The following CACNA1B variants were observed in gnomAD, a reference collection of about 807,000 sequenced individuals.
CACNA1B encodes the protein voltage-dependent N-type calcium channel subunit alpha-1B.
In CACNA1B, 70 loss-of-function variants were observed where a neutral mutation model predicts 247.2. That is an observed-to-expected ratio of 0.28 (90% CI 0.23 to 0.35). The LOEUF (loss-of-function observed/expected upper bound fraction) is 0.35, where lower values mean the gene tolerates loss of function less well. CACNA1B is among the 10% of genes least tolerant of loss of function. The pLI, the probability that CACNA1B is intolerant of heterozygous loss-of-function variation, is 1.00. For missense variants in CACNA1B, 2,367 were observed against 3,197.4 expected (o/e 0.74, Z 6.26); for synonymous variants, 1,231 against 1,294.4 (o/e 0.95, Z 1.05).
rs1257560886 is a variant in CACNA1B at position 138,054,248 on chromosome 9, G to A, written c.3968+242G>A. ...GACCCCCAGCACTTCCTCCTCAGCA[G>A]AGTCAGGAACCAGGCATGTTCTGAG... On this transcript the variant is annotated intron_variant, in intron 26 of 46. Transcript: ENST00000371372. The surrounding 1 kb of genome is among the most constrained non-coding windows in gnomAD (Gnocchi z 4.6). 6.6e-6 allele frequency among the ~76,000 whole-genome samples: 1 copy of A among 152,252 alleles called. No homozygotes were observed. Among genetic ancestry groups the A allele is most frequent in the Admixed American group, 6.5e-5 (1 of 15,292 alleles).
intron 20 of CACNA1B, among the ~76,000 whole-genome samples, chr9:138,029,760 G>A (rs533432237): frequency 1.3e-5 from 2 of 151,660 alleles, no homozygotes; most frequent in Non-Finnish European, 2.9e-5. Context: ...TTACAGGCAC[G>A]CACCACCACA....
At chr9:137,980,341 G>A (rs1958279891) in intron 12 of CACNA1B, among the ~76,000 whole-genome samples, 2 of 152,208 alleles carry the variant, frequency 1.3e-5, no homozygotes, top group African/African-American at 4.8e-5. Flanking sequence ...TCTTAGAGAA[G>A]TTCCTGCTTC....
At chr9:138,049,921 G>A (rs979652389) in intron 24 of CACNA1B, among the ~76,000 whole-genome samples, 4 of 152,168 alleles carry the variant, frequency 2.6e-5, no homozygotes, top group African/African-American at 4.8e-5. Context: ...ATGGGAATAC[G>A]GCGGGGAGTT....
At chr9:137,918,854 T>C (rs1032600706) in intron 6 of CACNA1B, among the ~76,000 whole-genome samples, 2 of 152,038 alleles carry the variant, frequency 1.3e-5, no homozygotes, top group African/African-American at 2.4e-5. Flanking sequence ...CCTCCTCGAG[T>C]GGGAGTCGTG....
At chr9:138,064,102 G>A (rs1959831028) in intron 31 of CACNA1B, among the ~76,000 whole-genome samples, 1 of 152,144 alleles carries the variant, frequency 6.6e-6, no homozygotes, top group African/African-American at 2.4e-5. Flanking sequence ...ACTCTGAGAT[G>A]GAGCCGCAAT....
At chr9:138,097,525 C>T (rs1421692848) in intron 37 of CACNA1B, among the ~76,000 whole-genome samples, 1 of 152,236 alleles carries the variant, frequency 6.6e-6, no homozygotes, top group Non-Finnish European at 1.5e-5. Flanking sequence ...GGGCTGCTCC[C>T]TGCAAGGCCA....
intron 39 of CACNA1B, among the ~76,000 whole-genome samples, chr9:138,106,797 G>A (rs966954220): frequency 2.0e-4 from 31 of 152,074 alleles, no homozygotes; most frequent in Non-Finnish European, 2.2e-4. Context: ...CCCCTCTGTC[G>A]ACTTCCCTAT....
chr9:137,978,592 T>A (rs1333064425), intron 12 of CACNA1B, among the ~76,000 whole-genome samples: 1 of 152,204 alleles, frequency 6.6e-6, no homozygotes, highest in Non-Finnish European at 1.5e-5. Flanking sequence ...CGGCAGAGTT[T>A]ACAGGAGCCA....
chr9:138,057,060 C>A lies in CACNA1B; in HGVS notation c.3969-672C>A, dbSNP rs899037752. Among the ~76,000 whole-genome samples, 1 of 151,514 alleles carries A rather than the reference C, an allele frequency of 6.6e-6. No homozygotes were observed. The highest frequency in any genetic ancestry group is 2.4e-5 in the African/African-American group (1 of 41,232). On this transcript the variant is annotated intron_variant, in intron 26 of 46. Transcript: ENST00000371372. This position sits in a 1 kb window ranked among gnomAD's most constrained non-coding sequence, Gnocchi z 4.0. ...ACGCCATTCTCCTGCCTCAGCCTCC[C>A]GAGTAGCTGGGACTATAGGCGCCCG... is the stretch of plus-strand genomic sequence containing the variant.
At chr9:138,118,895 C>T (rs909417013) in intron 44 of CACNA1B, 127 bp downstream of exon 44, 1 of 611,398 alleles carries the variant, frequency 1.6e-6, no homozygotes, top group African/African-American at 1.9e-5. Flanking sequence ...ATGTGTGGAG[C>T]TCTTTGCTGA....
Position 138,010,266 on chromosome 9 carries a change from C to G in CACNA1B, c.2160+189C>G, listed in dbSNP as rs572152231. 6.6e-6 allele frequency among the ~76,000 whole-genome samples: 1 copy of G among 152,126 alleles called. No homozygotes were observed. The highest frequency in any genetic ancestry group is 1.5e-5 in the Non-Finnish European group (1 of 68,012). ...GAGGATGCAGGGAGAGCCAAAGCCC[C>G]GAAGGCAGATGGACAGGCAGGCTCT... On this transcript the variant is annotated intron_variant, in intron 17 of 46. Coordinates refer to ENST00000371372, the MANE Select transcript of CACNA1B (RefSeq NM_000718.4). This position sits in a 1 kb window ranked among gnomAD's most constrained non-coding sequence, Gnocchi z 5.3.
intron 24 of CACNA1B, chr9:138,049,992 C>T (rs1283921196): frequency 1.6e-5 from 16 of 999,558 alleles, no homozygotes; most frequent in Non-Finnish European, 2.2e-5. Flanking sequence ...AGGGAGGGTC[C>T]ACATCTCTCT....
Position 138,043,919 on chromosome 9 carries a change from T to G in CACNA1B, c.3413+19T>G. 6.2e-7 allele frequency: 1 copy of G among 1,609,834 alleles called. No individual in the cohort carries two copies. Among genetic ancestry groups the G allele is most frequent in the South Asian group, 1.1e-5 (1 of 90,930 alleles). ...CCAACCTGTGAGTCTCCTTGCCTGC[T>G]GGTGTGTGTGGCCGCCCACTCACCC... On this transcript the variant is annotated intron_variant, in intron 21 of 46. Coordinates refer to ENST00000371372, the MANE Select transcript of CACNA1B (RefSeq NM_000718.4).
rs949297107 is a variant in CACNA1B, at chr9:138,007,795, C to T, written c.2092+911C>T. Among the ~76,000 whole-genome samples the T allele has an allele frequency of 2.0e-5, 3 of 152,174 alleles. No individual in the cohort carries two copies. Among genetic ancestry groups the T allele is most frequent in the Non-Finnish European group, 4.4e-5 (3 of 68,032 alleles). On this transcript the variant is annotated intron_variant, in intron 16 of 46. Transcript: ENST00000371372. This position sits in a 1 kb window ranked among gnomAD's most constrained non-coding sequence, Gnocchi z 4.1. ...GGAGCTGGAGACAATGTCTCACAGTCGACCTCCCGGCTCTGCTTCTACCCC... is the reference window on the plus strand; with the variant it reads ...GGAGCTGGAGACAATGTCTCACAGTTGACCTCCCGGCTCTGCTTCTACCCC...
rs537231816 is a variant in CACNA1B at position 137,882,343 on chromosome 9, A to G, written c.391-401A>G. ...GGCCACCCTAGTTGATAAAGGAAAA[A>G]CTACCTGATAAGCACCCACAACTAG... On this transcript the variant is annotated intron_variant, in intron 2 of 46. Coordinates refer to ENST00000371372, the MANE Select transcript of CACNA1B (RefSeq NM_000718.4). The surrounding 1 kb of genome is among the most constrained non-coding windows in gnomAD (Gnocchi z 4.0). 1.3e-3 allele frequency among the ~76,000 whole-genome samples: 202 copies of G among 152,230 alleles called. 1 individual carries two copies. Among genetic ancestry groups the G allele is most frequent in the Non-Finnish European group, 9.0e-4 (61 of 68,002 alleles).
At chr9:138,024,399 A>C (rs1367687587) in intron 19 of CACNA1B, among the ~76,000 whole-genome samples, 1 of 152,202 alleles carries the variant, frequency 6.6e-6, no homozygotes, top group African/African-American at 2.4e-5. Flanking sequence ...CCACAAACCA[A>C]CCAGAATACT....
intron 7 of CACNA1B, among the ~76,000 whole-genome samples, chr9:137,953,585 A>G (rs1257755198): frequency 2.0e-5 from 3 of 151,990 alleles, no homozygotes; most frequent in African/African-American, 4.8e-5. Context: ...TGGAAATAGA[A>G]CTCCTAGCCT....
At chr9:137,941,264 T>C (rs1387716827) in intron 6 of CACNA1B, among the ~76,000 whole-genome samples, 2 of 152,188 alleles carry the variant, frequency 1.3e-5, no homozygotes, top group African/African-American at 4.8e-5. Flanking sequence ...AGCTCTTTTA[T>C]ATACTAACAG....
intron 12 of CACNA1B, among the ~76,000 whole-genome samples, chr9:137,979,104 T>G (rs1958263640): frequency 6.6e-6 from 1 of 152,212 alleles, no homozygotes; most frequent in Admixed American, 6.5e-5. Context: ...TCTCAGGACA[T>G]GGGGATAATT....
Sources: gnomAD v4.1 joint callset for allele counts (sites outside exome capture counted in the v4.1 genomes callset) on GRCh38, gnomAD v4.1.1 for gene constraint, Gnocchi (gnomAD v3.1) non-coding constraint, MANE v1.5 for transcripts, NCBI Gene and HGNC (gene_info 2026-07-23, HGNC 2026-07-21) for gene names.